CARD14: variants seen among roughly 807,000 people sequenced by gnomAD.
The protein encoded by CARD14 is caspase recruitment domain family member 14, also known as caspase recruitment domain-containing protein 14.
A neutral mutation model predicts 111.5 loss-of-function variants in CARD14; 107 were observed. The observed-to-expected ratio is 0.96, with a 90% confidence interval of 0.82 to 1.13. CARD14 has a LOEUF of 1.13. CARD14 is among the 50% of genes most tolerant of loss of function. The pLI is 0.00. For synonymous variants in CARD14, 617 were observed against 579.6 expected, an observed-to-expected ratio of 1.06 and a Z score of -0.93; for missense variants, 1,322 against 1,362.3, an observed-to-expected ratio of 0.97 and a Z score of 0.47.
chr17:80,205,736 A>G (rs2144576843), intron 22 of CARD14, 84 bp downstream of exon 22: 1 of 1,392,966 alleles, frequency 7.2e-7, no homozygotes, highest in Non-Finnish European at 9.5e-7. Flanking sequence ...ATAAAGGTAC[A>G]GGGACCGACC....
intron 20 of CARD14, 136 bp from the exon 21 acceptor site, chr17:80,204,899 C>G (rs1290364696): frequency 1.4e-6 from 1 of 735,620 alleles, no homozygotes; most frequent in African/African-American, 1.8e-5. Flanking sequence ...CCTGTGACCG[C>G]TGAGCCTGTG....
At chr17:80,171,069 G>T (rs974499786) in intron 1 of CARD14, among the ~76,000 whole-genome samples, 1 of 151,038 alleles carries the variant, frequency 6.6e-6, no homozygotes, top group African/African-American at 2.4e-5. Context: ...TCAAACTCCT[G>T]ACTTCAGGTA....
rs751003264 is a variant in CARD14, at chr17:80,181,585, G to A, written c.147G>A (p.Leu49=). 5.8e-6 allele frequency: 9 copies of A among 1,563,436 alleles called. No individual in the cohort carries two copies. The highest frequency in any genetic ancestry group is 6.9e-6 in the Non-Finnish European group (8 of 1,154,090). ...LTPYLRQAKV[L]CQLDEEEVLH... ...CCTACCTGCGCCAGGCCAAGGTGCT[G>A]TGCCAGCTGGACGAGGAGGAGGTGC... Residue 49 remains leucine (L), a synonymous_variant, in exon 5 of 24, where the codon CTG becomes CTA. Transcript: ENST00000648509.
chr17:80,184,302 G>A (rs1337459585), intron 7 of CARD14, 64 bp downstream of exon 7: 2 of 1,329,140 alleles, frequency 1.5e-6, no homozygotes, highest in Non-Finnish European at 2.0e-6. Flanking sequence ...CTTTGTACTA[G>A]CTGGTCCATC....
intron 23 of CARD14, among the ~76,000 whole-genome samples, chr17:80,207,416 C>T (rs530848585): frequency 1.6e-4 from 24 of 151,934 alleles, no homozygotes; most frequent in Admixed American, 2.6e-4. Flanking sequence ...CCAGGTGTGG[C>T]GGCGGGCGCC....
At chr17:80,177,093 G>C (rs2040043386) in intron 2 of CARD14, among the ~76,000 whole-genome samples, 1 of 152,222 alleles carries the variant, frequency 6.6e-6, no homozygotes, top group Admixed American at 6.5e-5. Flanking sequence ...GCTCCAGGGA[G>C]GGTCTGCTTC....
In CARD14 at chr17:80,208,498, C is replaced by G; in HGVS notation, c.*153C>G. ...GCTGGGGTCTAACCTTGAACCCTCA[C>G]CACGTGCAGGTCACACACAGTGAAG... On this transcript the variant is annotated 3_prime_UTR_variant, in exon 24 of 24. Transcript: ENST00000648509. 1.6e-6 allele frequency: 1 copy of G among 643,584 alleles called. No individual in the cohort carries two copies. Among genetic ancestry groups the G allele is most frequent in the Non-Finnish European group, 2.6e-6 (1 of 386,764 alleles). The allele number at this position is 643,584 out of a possible 1,614,324, so 39.9% of individuals were successfully genotyped here.
chr17:80,180,446 A>C (rs1475224336), intron 4 of CARD14, among the ~76,000 whole-genome samples: 1 of 152,180 alleles, frequency 6.6e-6, no homozygotes, highest in Non-Finnish European at 1.5e-5. Flanking sequence ...GTCTTCTGCG[A>C]GGCACTTGTG....
chr17:80,180,079 T>C (rs982094372), intron 4 of CARD14, among the ~76,000 whole-genome samples: 7 of 152,190 alleles, frequency 4.6e-5, no homozygotes, highest in Non-Finnish European at 7.4e-5. Context: ...ATTAATGGGC[T>C]AATGGCCTCA....
chr17:80,208,034 C>A, intron 23 of CARD14, 104 bp from the exon 24 acceptor site: 1 of 836,892 alleles, frequency 1.2e-6, no homozygotes, highest in Non-Finnish European at 1.8e-6. Flanking sequence ...AGCGAGGCCA[C>A]CTGTGTTTAG....
intron 12 of CARD14, among the ~76,000 whole-genome samples, chr17:80,194,411 C>T (rs1388754666): frequency 6.6e-6 from 1 of 152,204 alleles, no homozygotes. Context: ...TTCAGACCTA[C>T]CCCACACATC....
At position 80,205,140 on chromosome 17, in the gene CARD14, G is replaced by A; in HGVS notation, c.2504G>A (p.Arg835Lys). 1 of 1,613,782 alleles carries A rather than the reference G, an allele frequency of 6.2e-7. No individual in the cohort carries two copies. The highest frequency in any genetic ancestry group is 8.5e-7 in the Non-Finnish European group (1 of 1,179,960). ...ARPRPVLLVP[R>K]AVGKILSEKL... is the part of the protein sequence containing the mutation. ...CCCCGGCCTGTGCTCCTCGTGCCCAGGGCGGTTGGGAAGATCCTGAGCGAG... is the reference window on the plus strand; with the variant it reads ...CCCCGGCCTGTGCTCCTCGTGCCCAAGGCGGTTGGGAAGATCCTGAGCGAG... Residue 835 changes from arginine (R) to lysine (K), a missense_variant, in exon 21 of 24, where the codon AGG becomes AAG. By Grantham distance (26) the Arg-to-Lys change is conservative. Transcript: ENST00000648509.
rs1232811526 is a variant in CARD14 at position 80,208,141 on chromosome 17, G to A, written c.2811G>A (p.Lys937=). ...VNEKMAKKLK[K]GLQRLGTSEE... is the part of the protein sequence containing the mutation. ...CCCCCAACTCTGGCCTGTGCAGGAAGGGCCTACAGCGGTTGGGCACCTCAG... is the reference window on the plus strand; with the variant it reads ...CCCCCAACTCTGGCCTGTGCAGGAAAGGCCTACAGCGGTTGGGCACCTCAG... The change falls in exon 24 of 24, where the codon AAG becomes AAA. Residue 937 remains lysine (K), a synonymous_variant. Coordinates refer to ENST00000648509, the MANE Select transcript of CARD14 (RefSeq NM_001366385.1). 3.3e-6 allele frequency: 5 copies of A among 1,535,976 alleles called. No homozygotes were observed. In the East Asian group the frequency reaches 9.9e-5, roughly 30 times the overall value.
chr17:80,201,669 C>CCTCACGATAGGG lies in CARD14; in HGVS notation c.1852-71_1852-70insCGATAGGGCTCA. 1 of 1,552,900 alleles carries CCTCACGATAGGG rather than the reference C, an allele frequency of 6.4e-7. No individual in the cohort carries two copies. ...GCTGGCCCGCGCCTCGCCTCAGTGC[C>CCTCACGATAGGG]CTCAGCGCCTTCTGTCTTCTGGCTG... On this transcript the variant is annotated intron_variant, in intron 16 of 23. Transcript: ENST00000648509. This position sits in a 1 kb window ranked among gnomAD's most constrained non-coding sequence, Gnocchi z 5.0.
chr17:80,185,868 C>T lies in CARD14; in HGVS notation c.675+1630C>T, dbSNP rs145727753. On this transcript the variant is annotated intron_variant, in intron 7 of 23. Transcript: ENST00000648509. ...GTATACAGAAATTATGTTCTTTGGCCGGGACCCTGCACAGGGGGTGCTGGC... is the reference window on the plus strand; with the variant it reads ...GTATACAGAAATTATGTTCTTTGGCTGGGACCCTGCACAGGGGGTGCTGGC... Among the ~76,000 whole-genome samples the T allele has an allele frequency of 2.0e-3, 299 of 152,320 alleles. 2 individuals are homozygous for T. Among genetic ancestry groups the T allele is most frequent in the African/African-American group, 7.0e-3 (291 of 41,570 alleles).
chr17:80,181,643 C>A lies in CARD14; in HGVS notation c.205C>A (p.Arg69=), dbSNP rs375624435. Reference sequence around the variant, plus strand: ...CCCCCGGCTCACCAACAGCGCCATGCGGGCCGGTGAGCGCAGCTCCCTCTT... The same window carrying A: ...CCCCCGGCTCACCAACAGCGCCATGAGGGCCGGTGAGCGCAGCTCCCTCTT... The part of the protein sequence containing the change: ...HSPRLTNSAM[R]AGHLLDLLKT... Residue 69 remains arginine, a synonymous_variant, in exon 5 of 24, where the codon CGG becomes AGG. Coordinates refer to ENST00000648509, the MANE Select transcript of CARD14 (RefSeq NM_001366385.1). 2.6e-6 allele frequency: 4 copies of A among 1,546,618 alleles called. No individual in the cohort carries two copies. Among genetic ancestry groups the A allele is most frequent in the Middle Eastern group, 1.8e-4 (1 of 5,406 alleles).
At position 80,198,432 on chromosome 17, in the gene CARD14, G is replaced by A. The variant is rs771103445; in HGVS notation, c.1692G>A (p.Arg564=). The change falls in exon 16 of 24, where the codon AGG becomes AGA. Residue 564 remains arginine, a synonymous_variant. Transcript: ENST00000648509. This position sits in a 1 kb window ranked among gnomAD's most constrained non-coding sequence, Gnocchi z 7.5. ...GVLMRRRPAR[R]ILSQVTMLAF... is the part of the protein sequence containing the mutation. ...TCATGCGGCGGAGGCCAGCCCGCAG[G>A]ATCCTGAGCCAGGTCACCATGCTGG... 1 of 1,608,854 alleles carries A rather than the reference G, an allele frequency of 6.2e-7. No homozygotes were observed. Among genetic ancestry groups the A allele is most frequent in the Admixed American group, 1.7e-5 (1 of 59,856 alleles).
At position 80,190,784 on chromosome 17, in the gene CARD14, A is replaced by T; in HGVS notation, c.974A>T (p.Glu325Val). Residue 325 changes from glutamate (E) to valine (V), a missense_variant, in exon 10 of 24, where the codon GAG (glutamate) becomes GTG (valine). Physicochemically the swap from Glu to Val is moderately radical, Grantham distance 121. Coordinates refer to ENST00000648509, the MANE Select transcript of CARD14 (RefSeq NM_001366385.1). The stretch of plus-strand genomic sequence containing the variant: ...TCCCACTCTGTCCAGTACTGGGAAG[A>T]GAAGGAACAGACCCTGCTGCAGTTC... ...AERQREQYWE[E>V]KEQTLLQFQK... 1 of 1,614,158 alleles carries T rather than the reference A, an allele frequency of 6.2e-7. No homozygotes were observed. The highest frequency in any genetic ancestry group is 2.2e-5 in the East Asian group (1 of 44,878).
At chr17:80,193,584 G>A (rs2144295058) in intron 12 of CARD14, among the ~76,000 whole-genome samples, 1 of 152,324 alleles carries the variant, frequency 6.6e-6, no homozygotes, top group East Asian at 1.9e-4. Context: ...GAGCCGGGAG[G>A]GAGGGAGGGT....
Sources: allele counts gnomAD v4.1 joint callset (sites outside exome capture counted in the v4.1 genomes callset), GRCh38; gene constraint gnomAD v4.1.1; non-coding constraint Gnocchi (gnomAD v3.1); transcripts MANE v1.5; gene names NCBI Gene and HGNC (gene_info 2026-07-23, HGNC 2026-07-21).